ZNF423: variants seen among roughly 807,000 people sequenced by gnomAD.
ZNF423 encodes zinc finger protein 423, also known as Ebf-associated zinc finger protein.
A neutral mutation model predicts 95.8 loss-of-function variants in ZNF423; 12 were observed. The ratio of observed to expected loss-of-function variants is 0.13; its 90% CI spans 0.08 to 0.20. The LOEUF is 0.20. ZNF423 is among the 10% of genes least tolerant of loss of function. The pLI is 1.00. For synonymous variants in ZNF423, 749 were observed against 711.9 expected, an observed-to-expected ratio of 1.05 and a Z score of -0.83; for missense variants, 1,316 against 1,737.1, an observed-to-expected ratio of 0.76 and a Z score of 4.31.
At chr16:49,792,002 CAAAAAAA>C (rs1227429391) in intron 1 of ZNF423, among the ~76,000 whole-genome samples, 2 of 71,264 alleles carry the variant, frequency 2.8e-5, no homozygotes, top group Admixed American at 1.5e-4. Context: ...GACTCCATCT[CAAAAAAA>C]AAAAAAAAAA....
intron 5 of ZNF423, among the ~76,000 whole-genome samples, chr16:49,578,987 C>A (rs1970582404): frequency 6.6e-6 from 1 of 152,114 alleles, no homozygotes; most frequent in Admixed American, 6.5e-5. Flanking sequence ...TCCTCTGCTC[C>A]CAAGCATACC....
intron 2 of ZNF423, among the ~76,000 whole-genome samples, chr16:49,771,192 C>CTTTTTTTTTTTTTTTT (rs71380376): frequency 2.2e-5 from 2 of 89,432 alleles, no homozygotes; most frequent in African/African-American, 4.6e-5. Flanking sequence ...TTTTTTTTTT[C>CTTTTTTTTTTTTTTTT]TTTTTTTTTT....
At chr16:49,539,709 A>G (rs1969184328) in intron 5 of ZNF423, among the ~76,000 whole-genome samples, 1 of 152,096 alleles carries the variant, frequency 6.6e-6, no homozygotes, top group African/African-American at 2.4e-5. Flanking sequence ...GACCAGTGAG[A>G]CACTGTCACA....
At chr16:49,764,772 A>G (rs2033898303) in intron 2 of ZNF423, 1 of 151,374 alleles carries the variant, frequency 6.6e-6, no homozygotes, top group African/African-American at 2.4e-5. Flanking sequence ...TTTGAGATAG[A>G]GTCTTACTCT....
chr16:49,568,557 G>A (rs971928655), intron 5 of ZNF423, among the ~76,000 whole-genome samples: 7 of 152,118 alleles, frequency 4.6e-5, no homozygotes, highest in African/African-American at 1.7e-4. Context: ...TGCCTCCCAT[G>A]GAGGGCTTTT....
chr16:49,854,222 A>G (rs748344532), intron 1 of ZNF423: 2 of 985,292 alleles, frequency 2.0e-6, no homozygotes, highest in Non-Finnish European at 2.4e-6. Context: ...GAGGCGAACA[A>G]GACCAACTTC....
chr16:49,722,751 C>T (rs949720948), intron 3 of ZNF423, among the ~76,000 whole-genome samples: 1 of 152,158 alleles, frequency 6.6e-6, no homozygotes, highest in African/African-American at 2.4e-5. Flanking sequence ...TCCTTGAGCA[C>T]CTACTATGTG....
chr16:49,844,521 G>A (rs1213793250), intron 1 of ZNF423, among the ~76,000 whole-genome samples: 1 of 152,164 alleles, frequency 6.6e-6, no homozygotes, highest in Non-Finnish European at 1.5e-5. Context: ...GGCAGCGGGA[G>A]GGGCCCACAA....
Position 49,635,575 on chromosome 16 carries a change from G to T in ZNF423, c.3516+85C>A. On this transcript the variant is annotated intron_variant, in intron 4 of 7. Transcript: ENST00000563137. The surrounding 1 kb of genome is among the most constrained non-coding windows in gnomAD (Gnocchi z 4.8). ...CGATAGCGCCGCTTCTTGGAAACAC[G>T]GCACTCAGGGTACGTGGCTCCTGTG... The T allele has an allele frequency of 6.8e-7, 1 of 1,469,354 alleles. No individual in the cohort carries two copies. Among genetic ancestry groups the T allele is most frequent in the East Asian group, 2.4e-5 (1 of 41,794 alleles). The allele number at this position is 1,469,354 out of a possible 1,614,324, so 91.0% of individuals were successfully genotyped here.
chr16:49,553,005 T>G (rs968965722), intron 5 of ZNF423, among the ~76,000 whole-genome samples: 4 of 152,098 alleles, frequency 2.6e-5, no homozygotes, highest in African/African-American at 9.7e-5. Context: ...TATTCTGGGC[T>G]GTAAAATGGG....
At chr16:49,667,811 A>T (rs943333195) in intron 3 of ZNF423, among the ~76,000 whole-genome samples, 1 of 152,240 alleles carries the variant, frequency 6.6e-6, no homozygotes. Flanking sequence ...ACTTGAGCCC[A>T]GGAACTTGAG....
intron 5 of ZNF423, among the ~76,000 whole-genome samples, chr16:49,592,109 T>A (rs1178314566): frequency 6.6e-6 from 1 of 152,252 alleles, no homozygotes; most frequent in Non-Finnish European, 1.5e-5. Flanking sequence ...GCTTTTAATT[T>A]CTATTTATTG....
chr16:49,739,386 A>G (rs2033363855), intron 2 of ZNF423, among the ~76,000 whole-genome samples: 2 of 151,978 alleles, frequency 1.3e-5, no homozygotes, highest in Non-Finnish European at 2.9e-5. Context: ...AGGACAAGGA[A>G]TGTCATGGCA....
At chr16:49,615,130 TCA>T (rs61428028) in intron 5 of ZNF423, among the ~76,000 whole-genome samples, 94 of 141,236 alleles carry the variant, frequency 6.7e-4, no homozygotes, top group East Asian at 2.9e-3. Flanking sequence ...AAACTCCATC[TCA>T]CACACACACA....
chr16:49,794,537 C>T (rs1045890128), intron 1 of ZNF423, among the ~76,000 whole-genome samples: 7 of 152,298 alleles, frequency 4.6e-5, no homozygotes, highest in Admixed American at 6.5e-5. Flanking sequence ...CAGTGGACTT[C>T]GAGTACCCTC....
At chr16:49,533,768 G>A (rs965001354) in intron 5 of ZNF423, among the ~76,000 whole-genome samples, 6 of 152,326 alleles carry the variant, frequency 3.9e-5, no homozygotes, top group South Asian at 2.1e-4. Flanking sequence ...TGGGCCAAGC[G>A]CTTCCCTCTG....
rs1567373840 is a variant in ZNF423 at position 49,855,780 on chromosome 16, G to C, written c.-6C>G. ...GCCTGCTTCCGCCTGGACATGTCCG[G>C]GGCTCCGGGCGCTCCGTCGCCCTCC... On this transcript the variant is annotated 5_prime_UTR_variant, in exon 1 of 8. Transcript: ENST00000563137. The surrounding 1 kb of genome is among the most constrained non-coding windows in gnomAD (Gnocchi z 4.7). 1 of 152,194 alleles carries C rather than the reference G, an allele frequency of 6.6e-6. No homozygotes were observed. The highest frequency in any genetic ancestry group is 1.5e-5 in the Non-Finnish European group (1 of 68,208). The allele number at this position is 152,194 out of a possible 1,614,324, so 9.4% of individuals were successfully genotyped here.
rs531463856 is a variant in ZNF423, at chr16:49,492,468, G to A, written c.3850-1164C>T. Among the ~76,000 whole-genome samples the A allele has an allele frequency of 4.9e-3, 747 of 151,332 alleles. 1 individual carries two copies. Among genetic ancestry groups the A allele is most frequent in the Middle Eastern group, 0.01 (3 of 292 alleles). ...GTGATGCCAGTAGCCTCGCCCGGAGGCCGAGGCCGGGGCCGGGGCCGGGGC... is the reference window on the plus strand; with the variant it reads ...GTGATGCCAGTAGCCTCGCCCGGAGACCGAGGCCGGGGCCGGGGCCGGGGC... On this transcript the variant is annotated intron_variant, in intron 7 of 7. Transcript: ENST00000563137. The surrounding 1 kb of genome is among the most constrained non-coding windows in gnomAD (Gnocchi z 4.2).
chr16:49,784,121 T>C (rs2034270601), intron 2 of ZNF423, among the ~76,000 whole-genome samples: 1 of 152,156 alleles, frequency 6.6e-6, no homozygotes. Flanking sequence ...GCAGTGGGAA[T>C]GTAAAACGCC....
Sources: allele counts gnomAD v4.1 joint callset (sites outside exome capture counted in the v4.1 genomes callset), GRCh38; gene constraint gnomAD v4.1.1; non-coding constraint Gnocchi (gnomAD v3.1); transcripts MANE v1.5; gene names NCBI Gene and HGNC (gene_info 2026-07-23, HGNC 2026-07-21).